Variants in MED13L observed in about 807,000 individuals in gnomAD.
The protein encoded by MED13L is mediator of RNA polymerase II transcription subunit 13-like.
MED13L carries 7 observed loss-of-function variants against 220.9 expected under a neutral mutation model. That is an observed-to-expected ratio of 0.03 (90% CI 0.02 to 0.06). The LOEUF is 0.06. MED13L is among the 10% of genes least tolerant of loss of function. The pLI, the probability that MED13L is intolerant of heterozygous loss-of-function variation, is 1.00. For synonymous variants in MED13L, 1,011 were observed against 1,015.2 expected (o/e 1.00, Z 0.08); for missense variants, 1,965 against 2,760.5 (o/e 0.71, Z 6.46).
chr12:116,083,850 C>A (rs1021382085), intron 4 of MED13L, among the ~76,000 whole-genome samples: 1 of 152,086 alleles, frequency 6.6e-6, no homozygotes, highest in African/African-American at 2.4e-5. Context: ...AAATGCCTGA[C>A]GTGTTCAAAG....
chr12:116,141,442 T>C (rs919352521), intron 2 of MED13L, among the ~76,000 whole-genome samples: 1 of 152,138 alleles, frequency 6.6e-6, no homozygotes, highest in Non-Finnish European at 1.5e-5. Flanking sequence ...AGTAACAAAA[T>C]ATGCAAATAC....
chr12:116,119,969 A>G (rs1204103155), intron 2 of MED13L, among the ~76,000 whole-genome samples: 1 of 151,328 alleles, frequency 6.6e-6, no homozygotes, highest in Non-Finnish European at 1.5e-5. Flanking sequence ...CTACTGTTAC[A>G]AATAATAAAT....
intron 4 of MED13L, among the ~76,000 whole-genome samples, chr12:116,060,826 C>A (rs763896541): frequency 6.6e-6 from 1 of 152,008 alleles, no homozygotes; most frequent in African/African-American, 2.4e-5. Flanking sequence ...GAGATACTTG[C>A]TTTACGGAGC....
At chr12:116,222,512 A>C (rs987185306) in intron 2 of MED13L, among the ~76,000 whole-genome samples, 1 of 152,190 alleles carries the variant, frequency 6.6e-6, no homozygotes, top group African/African-American at 2.4e-5. Context: ...TATGTTCACA[A>C]ACAGAAAAAG....
At chr12:116,019,125 T>G in intron 7 of MED13L, 99 bp downstream of exon 7, 1 of 1,233,438 alleles carries the variant, frequency 8.1e-7, no homozygotes, top group South Asian at 1.5e-5. Context: ...CTCCATCTCT[T>G]CCAACAGGAA....
chr12:116,169,936 G>C (rs544964358), intron 2 of MED13L, among the ~76,000 whole-genome samples: 1 of 152,186 alleles, frequency 6.6e-6, no homozygotes, highest in Non-Finnish European at 1.5e-5. Flanking sequence ...AGGATTGCTT[G>C]AGCCCAGTAG....
At chr12:116,187,450 GTA>G (rs1375867802) in intron 2 of MED13L, among the ~76,000 whole-genome samples, 1 of 152,114 alleles carries the variant, frequency 6.6e-6, no homozygotes, top group African/African-American at 2.4e-5. Flanking sequence ...ATTTCTTCCA[GTA>G]TCATGGTTTA....
At chr12:116,031,746 A>G (rs1458691283) in intron 4 of MED13L, among the ~76,000 whole-genome samples, 537 of 49,784 alleles carry the variant, frequency 0.011, 16 homozygotes, top group East Asian at 0.027. Context: ...AAAAGAAAAG[A>G]AAAGAAAAGA....
chr12:115,982,357 G>C (rs376328650), intron 22 of MED13L, 27 bp downstream of exon 22: 405 of 1,576,966 alleles, frequency 2.6e-4, no homozygotes, highest in Non-Finnish European at 3.3e-4. Flanking sequence ...AACATCAAAA[G>C]TAAATAATAA....
chr12:115,993,078 G>A (rs1878171545), intron 16 of MED13L, among the ~76,000 whole-genome samples: 1 of 151,974 alleles, frequency 6.6e-6, no homozygotes, highest in African/African-American at 2.4e-5. Flanking sequence ...ATTGTATTAG[G>A]CATTACAAGT....
intron 4 of MED13L, among the ~76,000 whole-genome samples, chr12:116,026,920 C>G (rs537254749): frequency 6.6e-6 from 1 of 152,026 alleles, no homozygotes; most frequent in African/African-American, 2.4e-5. Context: ...AAAGTAATGC[C>G]CTGCAGCCAT....
At chr12:115,980,991 A>T in intron 22 of MED13L, 53 bp from the exon 23 acceptor site, 1 of 1,489,596 alleles carries the variant, frequency 6.7e-7, no homozygotes, top group Non-Finnish European at 9.2e-7. Context: ...AGAAACTGAG[A>T]TCTAACACAC....
chr12:116,193,225 G>A (rs545748013), intron 2 of MED13L, among the ~76,000 whole-genome samples: 3 of 152,226 alleles, frequency 2.0e-5, no homozygotes, highest in Admixed American at 1.3e-4. Context: ...GTGGGAGGAT[G>A]GCTTGAGCCC....
intron 4 of MED13L, among the ~76,000 whole-genome samples, chr12:116,063,129 T>C (rs1869644228): frequency 6.6e-6 from 1 of 152,210 alleles, no homozygotes; most frequent in Admixed American, 6.5e-5. Context: ...AGGGCATTTC[T>C]GTCTTCTTTC....
chr12:115,983,072 A>T, intron 21 of MED13L, 45 bp downstream of exon 21: 1 of 1,587,900 alleles, frequency 6.3e-7, no homozygotes, highest in Admixed American at 1.7e-5. Flanking sequence ...GAAGAGAGAA[A>T]GGGTCTGAGC....
At chr12:116,140,449 CA>C (rs1876968664) in intron 2 of MED13L, among the ~76,000 whole-genome samples, 2 of 152,138 alleles carry the variant, frequency 1.3e-5, no homozygotes, top group Non-Finnish European at 2.9e-5. Context: ...TCTAGTTACA[CA>C]GTGACAAATG....
chr12:116,111,425 T>C lies in MED13L; in HGVS notation c.395+3A>G, dbSNP rs1565882524. The C allele has an allele frequency of 6.2e-7, 1 of 1,611,894 alleles. No homozygotes were observed. Among genetic ancestry groups the C allele is most frequent in the East Asian group, 2.2e-5 (1 of 44,790 alleles). ...AACCACTGTCTGCTGTTCCTTCTCT[T>C]ACCTTTCTAACAGATTGTGGATCGC... On this transcript the variant is annotated splice_donor_region_variant and intron_variant, in intron 3 of 30. Transcript: ENST00000281928.
chr12:116,163,372 T>G (rs940276298), intron 2 of MED13L, among the ~76,000 whole-genome samples: 3 of 151,680 alleles, frequency 2.0e-5, no homozygotes, highest in Non-Finnish European at 2.9e-5. Context: ...ATTTTTTTTT[T>G]TTTTTTTTTT....
intron 4 of MED13L, among the ~76,000 whole-genome samples, chr12:116,045,684 G>A (rs1259615858): frequency 1.3e-5 from 2 of 152,058 alleles, no homozygotes; most frequent in Non-Finnish European, 1.5e-5. Context: ...AAATTTTCAA[G>A]TAAATAACAT....
Sources: allele counts gnomAD v4.1 joint callset (sites outside exome capture counted in the v4.1 genomes callset), GRCh38; gene constraint gnomAD v4.1.1; transcripts MANE v1.5; gene names NCBI Gene and HGNC (gene_info 2026-07-23, HGNC 2026-07-21).